MYO1D: variants seen among roughly 807,000 people sequenced by gnomAD.
MYO1D encodes myosin ID.
Under a neutral mutation model 122.0 loss-of-function variants are expected in MYO1D, and 83 were observed. The ratio of observed to expected loss-of-function variants is 0.68; its 90% CI spans 0.57 to 0.82. The LOEUF (loss-of-function observed/expected upper bound fraction) is 0.82. MYO1D is among the 40% of genes least tolerant of loss of function. The pLI, the probability that MYO1D is intolerant of heterozygous loss-of-function variation, is 0.00. For synonymous variants in MYO1D, 464 were observed against 446.9 expected, an observed-to-expected ratio of 1.04 and a Z score of -0.48; for missense variants, 1,157 against 1,269.5, an observed-to-expected ratio of 0.91 and a Z score of 1.35.
rs533072172 is a variant in MYO1D at position 32,771,721 on chromosome 17, T to C, written c.619-501A>G. On this transcript the variant is annotated intron_variant, in intron 5 of 21. Coordinates refer to ENST00000318217, the MANE Select transcript of MYO1D (RefSeq NM_015194.3). ...GGAAAAGAGGACAGCTGGGGAACCA[T>C]GATTGTAGTATTGGATAAAGATAAA... 4.6e-5 allele frequency among the ~76,000 whole-genome samples: 7 copies of C among 152,342 alleles called. No homozygotes were observed. In the East Asian group the frequency reaches 1.3e-3, roughly 29 times the overall value.
intron 21 of MYO1D, among the ~76,000 whole-genome samples, chr17:32,563,157 G>A (rs1324229724): frequency 7.1e-6 from 1 of 140,512 alleles, no homozygotes; most frequent in African/African-American, 2.6e-5. Flanking sequence ...ATTTATATAT[G>A]TTGTTATTTT....
chr17:32,714,044 CTTTCTT>C (rs1216818388), intron 15 of MYO1D, among the ~76,000 whole-genome samples: 2 of 149,256 alleles, frequency 1.3e-5, no homozygotes, highest in African/African-American at 4.9e-5. Context: ...TATGTCTTTT[CTTTCTT>C]TTTTTTTTTT....
chr17:32,522,397 A>C (rs1317363316), intron 21 of MYO1D, among the ~76,000 whole-genome samples: 1 of 152,212 alleles, frequency 6.6e-6, no homozygotes, highest in East Asian at 1.9e-4. Flanking sequence ...GAATGAAAGA[A>C]TTTTGTCCCA....
chr17:32,636,683 T>G (rs1382318450), intron 20 of MYO1D, among the ~76,000 whole-genome samples: 1 of 152,230 alleles, frequency 6.6e-6, no homozygotes, highest in Admixed American at 6.5e-5. Context: ...AGTTTACTCC[T>G]GCAGGGAAGC....
At chr17:32,846,968 C>A (rs2090942968) in intron 1 of MYO1D, among the ~76,000 whole-genome samples, 1 of 152,078 alleles carries the variant, frequency 6.6e-6, no homozygotes, top group Non-Finnish European at 1.5e-5. Context: ...GCCTGGGGAA[C>A]AGAACGAGAC....
At chr17:32,864,773 A>G (rs1299384610) in intron 1 of MYO1D, among the ~76,000 whole-genome samples, 1 of 152,212 alleles carries the variant, frequency 6.6e-6, no homozygotes, top group African/African-American at 2.4e-5. Flanking sequence ...TCAAAGATGC[A>G]GAAGTACTAT....
At chr17:32,859,228 G>A (rs1229215739) in intron 1 of MYO1D, among the ~76,000 whole-genome samples, 1 of 152,136 alleles carries the variant, frequency 6.6e-6, no homozygotes, top group Non-Finnish European at 1.5e-5. Context: ...TAACTACAAA[G>A]GGTTGACTGT....
At chr17:32,746,741 A>G (rs954160862) in intron 12 of MYO1D, among the ~76,000 whole-genome samples, 3 of 152,212 alleles carry the variant, frequency 2.0e-5, no homozygotes, top group Admixed American at 6.5e-5. Context: ...GAAGAGTTTA[A>G]GAAGTGAAGA....
intron 20 of MYO1D, chr17:32,632,586 T>TATACACAC (rs1480751438): frequency 3.8e-4 from 37 of 96,586 alleles, no homozygotes; most frequent in Middle Eastern, 5.6e-3. Flanking sequence ...TATATATATA[T>TATACACAC]ACACACACAC....
intron 13 of MYO1D, among the ~76,000 whole-genome samples, chr17:32,739,017 T>A (rs1178932350): frequency 2.0e-5 from 3 of 152,184 alleles, no homozygotes; most frequent in Non-Finnish European, 2.9e-5. Flanking sequence ...GCAATCCAAA[T>A]CTAAAAATGC....
At chr17:32,852,893 A>G (rs930622363) in intron 1 of MYO1D, among the ~76,000 whole-genome samples, 2 of 152,218 alleles carry the variant, frequency 1.3e-5, no homozygotes, top group Non-Finnish European at 2.9e-5. Context: ...GTAATCTCAT[A>G]TACTTCAAAA....
At chr17:32,638,867 T>A in intron 19 of MYO1D, 32 bp from the exon 20 acceptor site, 1 of 1,432,526 alleles carries the variant, frequency 7.0e-7, no homozygotes, top group Admixed American at 1.7e-5. Flanking sequence ...AACCATAGTA[T>A]CTCATCAATA....
chr17:32,590,809 T>G (rs931591221), intron 21 of MYO1D, among the ~76,000 whole-genome samples: 6 of 152,254 alleles, frequency 3.9e-5, no homozygotes, highest in African/African-American at 1.4e-4. Flanking sequence ...TATTATTCAC[T>G]AATCATTTGG....
intron 1 of MYO1D, among the ~76,000 whole-genome samples, chr17:32,804,084 T>C (rs2090485610): frequency 6.6e-6 from 1 of 152,222 alleles, no homozygotes; most frequent in Admixed American, 6.5e-5. Flanking sequence ...GATAGCAGAA[T>C]TCTTGGATGC....
In MYO1D at chr17:32,821,537, CACAT is replaced by C. The variant is rs879314180; in HGVS notation, c.96-40757_96-40754del. ...TTGTCAGCTGAAGATAAGTAAATCA[CACAT>C]ACACACACACACACACACACACACA... On this transcript the variant is annotated intron_variant, in intron 1 of 21. Transcript: ENST00000318217. 4.8e-3 allele frequency among the ~76,000 whole-genome samples: 678 copies of C among 142,236 alleles called. 6 individuals carry two copies. The highest frequency in any genetic ancestry group is 0.014 in the African/African-American group (567 of 40,540). 93.3% of individuals were successfully genotyped at this position (142,236 alleles called of 152,430 possible).
At chr17:32,541,458 C>T (rs1480092029) in intron 21 of MYO1D, among the ~76,000 whole-genome samples, 11 of 152,130 alleles carry the variant, frequency 7.2e-5, no homozygotes, top group Non-Finnish European at 2.9e-5. Flanking sequence ...GGGGTGACTG[C>T]CAAAGGGTTT....
At chr17:32,830,743 G>C (rs2090764123) in intron 1 of MYO1D, among the ~76,000 whole-genome samples, 1 of 152,076 alleles carries the variant, frequency 6.6e-6, no homozygotes. Flanking sequence ...CTCATTTTCT[G>C]ATTTTTCTAC....
At chr17:32,785,527 T>G (rs10775411) in intron 1 of MYO1D, among the ~76,000 whole-genome samples, 66,178 of 151,848 alleles carry the variant, frequency 0.44, 14,983 homozygotes, top group East Asian at 0.72. Context: ...CCCATGCCAT[T>G]TTTTTTGGCC....
intron 1 of MYO1D, among the ~76,000 whole-genome samples, chr17:32,828,583 G>A (rs982930604): frequency 2.0e-5 from 3 of 150,832 alleles, no homozygotes; most frequent in African/African-American, 7.3e-5. Context: ...GAGTCAAGCA[G>A]AGAATGAGCA....
Sources: allele counts gnomAD v4.1 joint callset (sites outside exome capture counted in the v4.1 genomes callset), GRCh38; gene constraint gnomAD v4.1.1; transcripts MANE v1.5; gene names NCBI Gene and HGNC (gene_info 2026-07-23, HGNC 2026-07-21).